Variants in CSMD3 observed in about 807,000 individuals in gnomAD.
CSMD3 encodes the protein CUB and Sushi multiple domains 3.
A neutral mutation model predicts 435.2 loss-of-function variants in CSMD3; 177 were observed. The ratio of observed to expected loss-of-function variants is 0.41; its 90% CI spans 0.36 to 0.46. The LOEUF (loss-of-function observed/expected upper bound fraction) is 0.46. CSMD3 is among the 20% of genes least tolerant of loss of function. The pLI, the probability that CSMD3 is intolerant of heterozygous loss-of-function variation, is 0.34. For missense variants in CSMD3, 4,265 were observed against 4,504.6 expected (o/e 0.95, Z 1.52); for synonymous variants, 1,656 against 1,520.5 (o/e 1.09, Z -2.07).
intron 11 of CSMD3, among the ~76,000 whole-genome samples, chr8:112,838,969 A>C (rs575311013): frequency 6.6e-6 from 1 of 151,952 alleles, no homozygotes; most frequent in African/African-American, 2.4e-5. Flanking sequence ...ATATCATTTT[A>C]GAGAAAATAA....
At chr8:112,379,578 A>G (rs1829281282) in intron 38 of CSMD3, among the ~76,000 whole-genome samples, 2 of 152,188 alleles carry the variant, frequency 1.3e-5, no homozygotes, top group African/African-American at 4.8e-5. Context: ...ATATTTAATA[A>G]TGTTAAAATG....
chr8:112,277,589 G>A (rs1242499465), intron 59 of CSMD3, among the ~76,000 whole-genome samples: 1 of 152,046 alleles, frequency 6.6e-6, no homozygotes, highest in African/African-American at 2.4e-5. Flanking sequence ...ACATTTTGGG[G>A]TATCTTTACA....
At chr8:112,415,669 C>T (rs1811829994) in intron 32 of CSMD3, among the ~76,000 whole-genome samples, 1 of 152,194 alleles carries the variant, frequency 6.6e-6, no homozygotes, top group African/African-American at 2.4e-5. Context: ...TCTATGAAAG[C>T]AGCCAGGATG....
At chr8:112,245,817 C>A (rs781231990) in intron 64 of CSMD3, among the ~76,000 whole-genome samples, 1 of 152,120 alleles carries the variant, frequency 6.6e-6, no homozygotes, top group Non-Finnish European at 1.5e-5. Context: ...GGATTATAGG[C>A]GTGAGCCACC....
In CSMD3 at chr8:112,976,043, A is replaced by G. The variant is rs1464338792; in HGVS notation, c.1136T>C (p.Val379Ala). The G allele has an allele frequency of 6.2e-7, 1 of 1,614,072 alleles. No individual in the cohort carries two copies. The highest frequency in any genetic ancestry group is 8.5e-7 in the Non-Finnish European group (1 of 1,179,956). The change falls in exon 7 of 71, where the codon GTA (valine) becomes GCA (alanine). Residue 379 changes from valine to alanine, a missense_variant. Around this residue, in one of 3 missense-constraint regions of CSMD3, gnomAD observed 731 missense variants for 755.4 expected, o/e 0.97. Coordinates refer to ENST00000297405, the MANE Select transcript of CSMD3 (RefSeq NM_198123.2). ...GATGGTGACAGCTGTAACACTGGATACAGTAACATCTGCAGGTGTGCTAGC... is the reference window on the plus strand; with the variant it reads ...GATGGTGACAGCTGTAACACTGGATGCAGTAACATCTGCAGGTGTGCTAGC... ...AVASTPADVT[V>A]SSVTAVTIHR...
intron 11 of CSMD3, among the ~76,000 whole-genome samples, chr8:112,854,386 G>A (rs1054875047): frequency 2.6e-5 from 4 of 152,082 alleles, no homozygotes; most frequent in African/African-American, 7.2e-5. Context: ...AACAAAATTT[G>A]TGGGGAGAGG....
rs1266201416 is a variant in CSMD3, at chr8:112,223,555, A to G, written c.*1216T>C. 2 of 153,026 alleles carry G rather than the reference A, an allele frequency of 1.3e-5. No homozygotes were observed. The highest frequency in any genetic ancestry group is 4.8e-5 in the African/African-American group (2 of 41,496). 9.5% of individuals were successfully genotyped at this position (153,026 alleles called of 1,614,324 possible). A position where few individuals can be genotyped will look rare whatever the true frequency, so the allele number is the denominator to read the frequency against. On this transcript the variant is annotated 3_prime_UTR_variant, in exon 71 of 71. Coordinates refer to ENST00000297405, the MANE Select transcript of CSMD3 (RefSeq NM_198123.2). ...TACAAATACATATCTTAATTTGACA[A>G]TGAAAGAAACCTCTTGTATGTGAAA...
intron 4 of CSMD3, among the ~76,000 whole-genome samples, chr8:113,171,743 G>GCAAA (rs1266114102): frequency 2.0e-5 from 3 of 152,050 alleles, no homozygotes; most frequent in Admixed American, 6.6e-5. Context: ...TTTGCTTTTG[G>GCAAA]GAGACATTTC....
Position 113,097,539 on chromosome 8 carries a change from A to T in CSMD3, c.917+1217T>A, listed in dbSNP as rs551167331. The stretch of plus-strand genomic sequence containing the variant: ...CAGTCTTCCTTTGTTTTCTCATTTT[A>T]TCCTCTTTCTATATATCCAATTATA... On this transcript the variant is annotated intron_variant, in intron 5 of 70. Transcript: ENST00000297405. Among the ~76,000 whole-genome samples, 3 of 151,900 alleles carry T rather than the reference A, an allele frequency of 2.0e-5. No homozygotes were observed. In the East Asian group the frequency reaches 5.8e-4, roughly 29 times the overall value.
chr8:113,199,915 G>A (rs887551514), intron 3 of CSMD3, among the ~76,000 whole-genome samples: 50 of 151,748 alleles, frequency 3.3e-4, no homozygotes, highest in African/African-American at 1.2e-3. Flanking sequence ...CCAGGTGCAG[G>A]GCCTTGATTA....
At chr8:112,617,816 C>A (rs1833774895) in intron 22 of CSMD3, among the ~76,000 whole-genome samples, 1 of 152,084 alleles carries the variant, frequency 6.6e-6, no homozygotes, top group Non-Finnish European at 1.5e-5. Context: ...CAGAAATTAT[C>A]CAAGATACTT....
chr8:112,696,344 C>A (rs539360843), intron 13 of CSMD3, among the ~76,000 whole-genome samples: 160 of 152,262 alleles, frequency 1.1e-3, no homozygotes, highest in African/African-American at 3.7e-3. Flanking sequence ...GCTACAGTAA[C>A]CAAAACAGCA....
chr8:112,265,603 G>C lies in CSMD3; in HGVS notation c.9509-13C>G, dbSNP rs549781704. On this transcript the variant is annotated splice_polypyrimidine_tract_variant and intron_variant, in intron 59 of 70. Coordinates refer to ENST00000297405, the MANE Select transcript of CSMD3 (RefSeq NM_198123.2). The stretch of plus-strand genomic sequence containing the variant: ...CCACAACTGATTACTGTCAGTATTG[G>C]ATTAGAAGAGCAGATGGTTAATGAG... 16 of 1,596,300 alleles carry C rather than the reference G, an allele frequency of 1.0e-5. No individual in the cohort carries two copies. The South Asian group carries it at 1.8e-4, about 18-fold the overall frequency.
intron 1 of CSMD3, among the ~76,000 whole-genome samples, chr8:113,358,638 T>G (rs1038511397): frequency 6.6e-5 from 10 of 152,334 alleles, no homozygotes; most frequent in Admixed American, 2.6e-4. Flanking sequence ...GGGAGTATGT[T>G]GGAGTATGAT....
At chr8:112,691,926 G>T (rs2076145552) in intron 13 of CSMD3, among the ~76,000 whole-genome samples, 1 of 151,800 alleles carries the variant, frequency 6.6e-6, no homozygotes, top group African/African-American at 2.4e-5. Context: ...TCAGCCTCCT[G>T]GGTAGCTCGG....
chr8:112,972,771 A>G (rs1292697837), intron 7 of CSMD3, among the ~76,000 whole-genome samples: 1 of 151,980 alleles, frequency 6.6e-6, no homozygotes, highest in Non-Finnish European at 1.5e-5. Flanking sequence ...CAGAAACTGT[A>G]CTAAGTACTG....
rs200518916 is a variant in CSMD3 at position 112,231,672 on chromosome 8, C to T, written c.10741-40G>A. 7.4e-5 allele frequency: 83 copies of T among 1,120,894 alleles called. 1 individual carries two copies. In the East Asian group the frequency reaches 1.9e-3, roughly 26 times the overall value. 69.4% of individuals were successfully genotyped at this position (1,120,894 alleles called of 1,614,324 possible). A position where few individuals can be genotyped will look rare whatever the true frequency, so the allele number is the denominator to read the frequency against. ...ACAGCCAAATATACTTGAATACTGG[C>T]CATAGCTATATTTTCCCAGCCTTAA... On this transcript the variant is annotated intron_variant, in intron 68 of 70. Coordinates refer to ENST00000297405, the MANE Select transcript of CSMD3 (RefSeq NM_198123.2).
Position 112,689,899 on chromosome 8 carries a change from G to T in CSMD3, c.2124C>A (p.Asn708Lys), listed in dbSNP as rs746771187. 6.2e-7 allele frequency: 1 copy of T among 1,613,204 alleles called. No homozygotes were observed. Among genetic ancestry groups the T allele is most frequent in the Non-Finnish European group, 8.5e-7 (1 of 1,179,398 alleles). The change falls in exon 14 of 71, where the codon AAC becomes AAA. Residue 708 changes from asparagine to lysine, a missense_variant. This residue lies in a region of CSMD3 where 279 missense variants were observed against 369.0 expected (regional missense o/e 0.76). Transcript: ENST00000297405. ...AGATGGGTATGTTTGCAGACCATTG[G>T]TTATTCTCTTGACAAACAATGGATT... The part of the protein sequence containing the change: ...GEKSIVCQEN[N>K]QWSANIPICI...
chr8:113,100,686 A>C, intron 4 of CSMD3, among the ~76,000 whole-genome samples: 1 of 152,286 alleles, frequency 6.6e-6, no homozygotes, highest in Non-Finnish European at 1.5e-5. Flanking sequence ...GGCATACGTT[A>C]ATTAGCTCAA....
Sources: gnomAD v4.1 joint callset for allele counts (sites outside exome capture counted in the v4.1 genomes callset) on GRCh38, gnomAD v4.1.1 for gene constraint, gnomAD v4.1.1 regional missense constraint, MANE v1.5 for transcripts, NCBI Gene and HGNC (gene_info 2026-07-23, HGNC 2026-07-21) for gene names.